Variants in TECRL observed in about 807,000 individuals in gnomAD.
TECRL encodes the protein trans-2,3-enoyl-CoA reductase-like.
TECRL carries 63 observed loss-of-function variants against 52.8 expected under a neutral mutation model. The ratio of observed to expected loss-of-function variants is 1.19; its 90% CI spans 0.97 to 1.47. The LOEUF is 1.47. Ranked by LOEUF, TECRL falls within the 40% of genes most tolerant of loss-of-function variation. The pLI, the probability that TECRL is intolerant of heterozygous loss-of-function variation, is 0.00. For synonymous variants in TECRL, 164 were observed against 141.9 expected (o/e 1.16, Z -1.10); for missense variants, 482 against 429.6 (o/e 1.12, Z -1.08).
At chr4:64,359,108 A>T (rs776496133) in intron 2 of TECRL, among the ~76,000 whole-genome samples, 2 of 151,908 alleles carry the variant, frequency 1.3e-5, no homozygotes, top group African/African-American at 4.8e-5. Context: ...AGAGAAAAAA[A>T]GATTCTCTAG....
rs1178816597 is a variant in TECRL, at chr4:64,308,351, A to G, written c.657+1475T>C. Among the ~76,000 whole-genome samples the G allele has an allele frequency of 4.6e-5, 7 of 152,278 alleles. No homozygotes were observed. In the East Asian group the frequency reaches 1.4e-3, roughly 29 times the overall value. On this transcript the variant is annotated intron_variant, in intron 6 of 11. Transcript: ENST00000381210. ...CTAAATTGATCCTGATCCTGAACTCATAGTGCCATTAGCATTGTGGCTTCA... is the reference window on the plus strand; with the variant it reads ...CTAAATTGATCCTGATCCTGAACTCGTAGTGCCATTAGCATTGTGGCTTCA...
chr4:64,356,466 C>T (rs986431193), intron 2 of TECRL, among the ~76,000 whole-genome samples: 2 of 152,172 alleles, frequency 1.3e-5, no homozygotes, highest in Admixed American at 1.3e-4. Context: ...TGGTGGGAGG[C>T]AGGACATGTC....
At chr4:64,361,256 C>T (rs893552334) in intron 2 of TECRL, among the ~76,000 whole-genome samples, 2 of 152,192 alleles carry the variant, frequency 1.3e-5, no homozygotes, top group African/African-American at 4.8e-5. Context: ...CCAGTGCACA[C>T]TTGCCTGCAG....
chr4:64,391,851 G>A (rs1320595801), intron 1 of TECRL, among the ~76,000 whole-genome samples: 6 of 151,862 alleles, frequency 4.0e-5, no homozygotes, highest in Admixed American at 3.9e-4. Flanking sequence ...CAATGATATA[G>A]AAAGCTGCTG....
intron 1 of TECRL, among the ~76,000 whole-genome samples, chr4:64,408,653 A>T (rs1412699506): frequency 6.6e-6 from 1 of 152,078 alleles, no homozygotes; most frequent in African/African-American, 2.4e-5. Flanking sequence ...TAATGCTTAA[A>T]TGATTAAATT....
At chr4:64,404,327 T>C (rs928983971) in intron 1 of TECRL, among the ~76,000 whole-genome samples, 1 of 151,922 alleles carries the variant, frequency 6.6e-6, no homozygotes, top group Non-Finnish European at 1.5e-5. Flanking sequence ...ATTTACCATT[T>C]ATCAACTCAG....
chr4:64,354,631 T>C (rs752220451), intron 2 of TECRL, among the ~76,000 whole-genome samples: 2 of 152,180 alleles, frequency 1.3e-5, no homozygotes, highest in Admixed American at 6.5e-5. Context: ...GGAGTTTTTA[T>C]GACAGAGAAA....
At chr4:64,380,864 C>T (rs1722742328) in intron 1 of TECRL, among the ~76,000 whole-genome samples, 1 of 151,942 alleles carries the variant, frequency 6.6e-6, no homozygotes, top group Non-Finnish European at 1.5e-5. Context: ...CTCAGTATTG[C>T]TTTGTCTATA....
chr4:64,386,690 A>G (rs983838382), intron 1 of TECRL, among the ~76,000 whole-genome samples: 2 of 152,172 alleles, frequency 1.3e-5, no homozygotes, highest in Admixed American at 6.5e-5. Flanking sequence ...AAGAATTACT[A>G]TTTCAAGCCA....
At chr4:64,395,353 T>C (rs1170414810) in intron 1 of TECRL, among the ~76,000 whole-genome samples, 1 of 152,194 alleles carries the variant, frequency 6.6e-6, no homozygotes, top group Non-Finnish European at 1.5e-5. Context: ...TAACTGCTCA[T>C]TTATTAAATG....
chr4:64,309,057 T>C (rs1315839493), intron 6 of TECRL, among the ~76,000 whole-genome samples: 3 of 152,156 alleles, frequency 2.0e-5, no homozygotes, highest in African/African-American at 7.2e-5. Flanking sequence ...TAGTCTATAA[T>C]GGTGATCTTG....
chr4:64,403,628 A>G (rs1459445827), intron 1 of TECRL, among the ~76,000 whole-genome samples: 8 of 152,056 alleles, frequency 5.3e-5, no homozygotes, highest in African/African-American at 1.7e-4. Flanking sequence ...AAAATGAATA[A>G]AAGTCAGAGA....
At chr4:64,364,588 G>T (rs1721463213) in intron 2 of TECRL, among the ~76,000 whole-genome samples, 1 of 151,780 alleles carries the variant, frequency 6.6e-6, no homozygotes, top group Admixed American at 6.6e-5. Flanking sequence ...TTACCCCAAA[G>T]AAATACAAAA....
At chr4:64,305,343 A>G (rs1027170756) in intron 6 of TECRL, 105 bp from the exon 7 acceptor site, 27 of 912,126 alleles carry the variant, frequency 3.0e-5, no homozygotes, top group Non-Finnish European at 4.4e-5. Flanking sequence ...TGAAACCACC[A>G]CATACATTTA....
chr4:64,380,269 C>T (rs1476474627), intron 1 of TECRL, among the ~76,000 whole-genome samples: 1 of 151,916 alleles, frequency 6.6e-6, no homozygotes, highest in Non-Finnish European at 1.5e-5. Flanking sequence ...TTTTATGCTT[C>T]TGGGAATTGA....
At chr4:64,379,528 G>C (rs1021192355) in intron 1 of TECRL, among the ~76,000 whole-genome samples, 2 of 152,108 alleles carry the variant, frequency 1.3e-5, no homozygotes, top group South Asian at 2.1e-4. Context: ...TACAATATAT[G>C]TTAATTGTTA....
At chr4:64,381,858 C>T (rs912887966) in intron 1 of TECRL, among the ~76,000 whole-genome samples, 17 of 150,414 alleles carry the variant, frequency 1.1e-4, no homozygotes, top group African/African-American at 2.7e-4. Flanking sequence ...GTACTATTTG[C>T]GTGTGTGTGT....
chr4:64,297,441 CA>C (rs202098686), intron 8 of TECRL, among the ~76,000 whole-genome samples: 5 of 150,638 alleles, frequency 3.3e-5, no homozygotes, highest in Non-Finnish European at 6.0e-5. Context: ...GTTTTATCAG[CA>C]AAAAAATAGC....
chr4:64,379,142 T>G (rs1370795963), intron 1 of TECRL, among the ~76,000 whole-genome samples: 1 of 151,938 alleles, frequency 6.6e-6, no homozygotes, highest in Non-Finnish European at 1.5e-5. Flanking sequence ...ATAATGCTCT[T>G]TTATATGAAA....
Sources: gnomAD v4.1 joint callset for allele counts (sites outside exome capture counted in the v4.1 genomes callset) on GRCh38, gnomAD v4.1.1 for gene constraint, MANE v1.5 for transcripts, NCBI Gene and HGNC (gene_info 2026-07-23, HGNC 2026-07-21) for gene names.